Variants in TNKS2 observed in about 807,000 individuals in gnomAD.
TNKS2 encodes tankyrase 2.
TNKS2 carries 72 observed loss-of-function variants against 137.6 expected under a neutral mutation model. That is an observed-to-expected ratio of 0.52 (90% CI 0.43 to 0.64). TNKS2 has a LOEUF of 0.64. TNKS2 is among the 30% of genes least tolerant of loss of function. The pLI, the probability that TNKS2 is intolerant of heterozygous loss-of-function variation, is 0.00. For synonymous variants in TNKS2, 516 were observed against 512.1 expected, an observed-to-expected ratio of 1.01 and a Z score of -0.10; for missense variants, 1,049 against 1,410.2, an observed-to-expected ratio of 0.74 and a Z score of 4.10.
intron 21 of TNKS2, 129 bp from the exon 22 acceptor site, chr10:91,854,898 CAA>C (rs374091607): frequency 0.026 from 8,692 of 340,396 alleles, no homozygotes; most frequent in South Asian, 0.032. Flanking sequence ...AACTCTGTCT[CAA>C]AAAAAAAAAA....
chr10:91,810,633 G>C (rs1171210184), intron 1 of TNKS2, among the ~76,000 whole-genome samples: 3 of 151,254 alleles, frequency 2.0e-5, no homozygotes, highest in Non-Finnish European at 4.4e-5. Flanking sequence ...CACCCAAGTA[G>C]CTGGGACTAC....
rs182293936 is a variant in TNKS2, at chr10:91,826,110, G to A, written c.796-907G>A. On this transcript the variant is annotated intron_variant, in intron 7 of 26. Coordinates refer to ENST00000371627, the MANE Select transcript of TNKS2 (RefSeq NM_025235.4). ...TATATACTACATAATGAGAAATCTT[G>A]AGGATGGAACCCAAGTCTGCACATG... is the stretch of plus-strand genomic sequence containing the variant. Among the ~76,000 whole-genome samples, 260 of 152,302 alleles carry A rather than the reference G, an allele frequency of 1.7e-3. 1 individual carries two copies. Among genetic ancestry groups the A allele is most frequent in the African/African-American group, 5.9e-3 (247 of 41,572 alleles).
intron 15 of TNKS2, among the ~76,000 whole-genome samples, chr10:91,841,702 C>T (rs1309773584): frequency 1.3e-5 from 2 of 151,852 alleles, no homozygotes; most frequent in African/African-American, 4.8e-5. Context: ...TAGTTTTTCT[C>T]TTTGGTACTT....
At chr10:91,849,715 G>T (rs1228387223) in intron 20 of TNKS2, 121 bp downstream of exon 20, 2 of 703,162 alleles carry the variant, frequency 2.8e-6, no homozygotes, top group Admixed American at 3.7e-5. Flanking sequence ...TTTAAGAAAT[G>T]ACATCAGTCA....
At chr10:91,850,367 C>CAAAA (rs1227362681) in intron 20 of TNKS2, among the ~76,000 whole-genome samples, 3,004 of 89,104 alleles carry the variant, frequency 0.034, 115 homozygotes, top group East Asian at 0.22. Context: ...GACTCGGTCT[C>CAAAA]AAAAAAAAAA....
chr10:91,812,364 A>G (rs913646000), intron 1 of TNKS2, among the ~76,000 whole-genome samples: 41 of 152,162 alleles, frequency 2.7e-4, no homozygotes, highest in South Asian at 2.1e-4. Context: ...GGCCTCCTAC[A>G]TGGAAAGAAG....
In TNKS2 at chr10:91,825,340, C is replaced by T. The variant is rs143550380; in HGVS notation, c.796-1677C>T. On this transcript the variant is annotated intron_variant, in intron 7 of 26. Coordinates refer to ENST00000371627, the MANE Select transcript of TNKS2 (RefSeq NM_025235.4). The stretch of plus-strand genomic sequence containing the variant: ...TTGGTCTTGAACTCCTAAGCTCAAG[C>T]GATCCACCCACCTCAGCCTCCCAAA... Among the ~76,000 whole-genome samples, 345 of 152,018 alleles carry T rather than the reference C, an allele frequency of 2.3e-3. 1 individual carries two copies. Among genetic ancestry groups the T allele is most frequent in the African/African-American group, 7.9e-3 (327 of 41,448 alleles).
chr10:91,813,264 C>G, intron 2 of TNKS2, 57 bp downstream of exon 2: 1 of 1,376,290 alleles, frequency 7.3e-7, no homozygotes, highest in Non-Finnish European at 1.0e-6. Flanking sequence ...TGAATCTGAA[C>G]TGAATTAATC....
At chr10:91,817,343 T>C (rs1414207809) in intron 3 of TNKS2, 114 bp downstream of exon 3, 1 of 591,614 alleles carries the variant, frequency 1.7e-6, no homozygotes, top group Non-Finnish European at 3.1e-6. Flanking sequence ...ATAGTGTCAG[T>C]TCAGTAGCTA....
At chr10:91,826,419 ACTC>A (rs1237533170) in intron 7 of TNKS2, among the ~76,000 whole-genome samples, 3 of 152,204 alleles carry the variant, frequency 2.0e-5, no homozygotes, top group Non-Finnish European at 2.9e-5. Context: ...ACTGTGAAAT[ACTC>A]CTCAACAATG....
intron 7 of TNKS2, among the ~76,000 whole-genome samples, chr10:91,823,003 A>G: frequency 6.6e-6 from 1 of 151,046 alleles, no homozygotes; most frequent in East Asian, 2.0e-4. Flanking sequence ...CAGTGAGCCA[A>G]GATTGCACCA....
Position 91,831,268 on chromosome 10 carries a change from C to G in TNKS2, c.1275+87C>G, listed in dbSNP as rs1845237495. 1.3e-5 allele frequency: 16 copies of G among 1,199,420 alleles called. No homozygotes were observed. The South Asian group carries it at 2.1e-4, about 15-fold the overall frequency. The allele number at this position is 1,199,420 out of a possible 1,614,324, so 74.3% of individuals were successfully genotyped here. On this transcript the variant is annotated intron_variant, in intron 11 of 26. Coordinates refer to ENST00000371627, the MANE Select transcript of TNKS2 (RefSeq NM_025235.4). ...AATGCCTGACTTCCTAAACTATTTA[C>G]TTTCTCATAAGTATTACTTTTTTTT...
At chr10:91,806,298 G>A (rs1844325232) in intron 1 of TNKS2, among the ~76,000 whole-genome samples, 1 of 152,080 alleles carries the variant, frequency 6.6e-6, no homozygotes, top group Admixed American at 6.6e-5. Flanking sequence ...AAACATAACA[G>A]TTGTGACAGT....
chr10:91,845,780 A>G lies in TNKS2; in HGVS notation c.2198A>G (p.Lys733Arg). ...GHVDVAALLIKYNACVNATDK... is the reference protein window; with the variant it reads ...GHVDVAALLIRYNACVNATDK... ...GTAGATGTAGCAGCTCTACTAATAA[A>G]GTATAATGCATGTGTCAATGCCACG... The change falls in exon 18 of 27, where the codon AAG (lysine) becomes AGG (arginine). Residue 733 changes from lysine (K) to arginine (R), a missense_variant. Around this residue, in one of 6 missense-constraint regions of TNKS2, gnomAD observed 328 missense variants for 436.0 expected, o/e 0.75. Transcript: ENST00000371627. The G allele has an allele frequency of 6.4e-7, 1 of 1,566,360 alleles. No homozygotes were observed. The highest frequency in any genetic ancestry group is 8.7e-7 in the Non-Finnish European group (1 of 1,148,128).
At chr10:91,849,276 G>T (rs1213121338) in intron 19 of TNKS2, among the ~76,000 whole-genome samples, 1 of 152,194 alleles carries the variant, frequency 6.6e-6, no homozygotes, top group Non-Finnish European at 1.5e-5. Flanking sequence ...TAAAAATATA[G>T]ATGCAATTAA....
chr10:91,815,237 T>C (rs575053364), intron 2 of TNKS2, among the ~76,000 whole-genome samples: 225 of 152,302 alleles, frequency 1.5e-3, no homozygotes, highest in Non-Finnish European at 2.1e-3. Context: ...AGACTTAAGT[T>C]GGACCTCATG....
chr10:91,814,594 T>A (rs1433032958), intron 2 of TNKS2, among the ~76,000 whole-genome samples: 1 of 152,208 alleles, frequency 6.6e-6, no homozygotes, highest in African/African-American at 2.4e-5. Flanking sequence ...GCTCCATTCA[T>A]GGTAAATGTC....
At position 91,819,928 on chromosome 10, in the gene TNKS2, T is replaced by C; in HGVS notation, c.634-11T>C. On this transcript the variant is annotated splice_polypyrimidine_tract_variant and intron_variant, in intron 5 of 26. Transcript: ENST00000371627. ...TTTGAATTTCATTAATATATTTGAT[T>C]AATATTTCAGTCAACTCCATTACAT... The C allele has an allele frequency of 3.3e-6, 5 of 1,527,374 alleles. No individual in the cohort carries two copies. Among genetic ancestry groups the C allele is most frequent in the Non-Finnish European group, 4.4e-6 (5 of 1,133,510 alleles). The allele number at this position is 1,527,374 out of a possible 1,614,324, so 94.6% of individuals were successfully genotyped here. A position where few individuals can be genotyped will look rare whatever the true frequency, so the allele number is the denominator to read the frequency against.
At chr10:91,814,959 A>T (rs1844634063) in intron 2 of TNKS2, among the ~76,000 whole-genome samples, 1 of 152,240 alleles carries the variant, frequency 6.6e-6, no homozygotes. Context: ...GGAAACTGTA[A>T]AGTAACCCAG....
Sources: allele counts gnomAD v4.1 joint callset (sites outside exome capture counted in the v4.1 genomes callset), GRCh38; gene constraint gnomAD v4.1.1; regional missense constraint gnomAD v4.1.1; transcripts MANE v1.5; gene names NCBI Gene and HGNC (gene_info 2026-07-23, HGNC 2026-07-21).